The following RFX3 variants were observed in gnomAD, a reference collection of about 807,000 sequenced individuals.
RFX3 encodes the protein regulatory factor X3, also known as transcription factor RFX3.
RFX3 carries 14 observed loss-of-function variants against 98.6 expected under a neutral mutation model. That is an observed-to-expected ratio of 0.14 (90% confidence interval 0.09 to 0.22). The LOEUF (loss-of-function observed/expected upper bound fraction) is 0.22. Among genes scored for constraint, RFX3 ranks in the 10% least tolerant of loss-of-function variants. The probability of loss-of-function intolerance (pLI) is 1.00; values close to 1 mark genes in which losing one functional copy is unlikely to be tolerated. For synonymous variants in RFX3, 383 were observed against 328.4 expected, an observed-to-expected ratio of 1.17 and a Z score of -1.80; for missense variants, 639 against 926.9, an observed-to-expected ratio of 0.69 and a Z score of 4.03.
intron 1 of RFX3, among the ~76,000 whole-genome samples, chr9:3,457,923 C>G (rs186937083): frequency 8.6e-5 from 13 of 151,934 alleles, no homozygotes; most frequent in Admixed American, 5.9e-4. Flanking sequence ...TTCTATATTC[C>G]CAAGATAAAA....
In RFX3 at chr9:3,313,014, T is replaced by C. The variant is rs1830145254; in HGVS notation, c.475-11394A>G. ...CCCTGTCTGACAGCTTTGAAGAGAG[T>C]AGTGGTTCTCCCAGCACAGAATTTA... On this transcript the variant is annotated intron_variant, in intron 4 of 16. Coordinates refer to ENST00000617270, the MANE Select transcript of RFX3 (RefSeq NM_001282116.2). Among the ~76,000 whole-genome samples the C allele has an allele frequency of 1.3e-5, 2 of 152,050 alleles. 1 individual carries two copies. Among genetic ancestry groups the C allele is most frequent in the Non-Finnish European group, 2.9e-5 (2 of 68,010 alleles).
At chr9:3,279,244 G>C (rs1265730651) in intron 7 of RFX3, among the ~76,000 whole-genome samples, 2 of 151,632 alleles carry the variant, frequency 1.3e-5, no homozygotes, top group East Asian at 3.9e-4. Context: ...TTTCCTTATT[G>C]ATTCATTCCA....
intron 7 of RFX3, among the ~76,000 whole-genome samples, chr9:3,279,368 T>G (rs1825639634): frequency 6.6e-6 from 1 of 151,828 alleles, no homozygotes; most frequent in African/African-American, 2.4e-5. Flanking sequence ...AGTTTGGGAT[T>G]CACAGAGCTT....
rs189611518 is a variant in RFX3, at chr9:3,260,914, C to A, written c.1605+2021G>T. Among the ~76,000 whole-genome samples, 1,474 of 148,332 alleles carry A rather than the reference C, an allele frequency of 9.9e-3. 11 individuals carry two copies. The highest frequency in any genetic ancestry group is 0.017 in the South Asian group (80 of 4,714). On this transcript the variant is annotated intron_variant, in intron 13 of 16. Coordinates refer to ENST00000617270, the MANE Select transcript of RFX3 (RefSeq NM_001282116.2). ...ATTAGATAGATATAGATCTCTCTCT[C>A]TATATATATATATATCTCAGAAGTT...
At chr9:3,424,507 G>A (rs568365022) in intron 1 of RFX3, among the ~76,000 whole-genome samples, 28 of 151,168 alleles carry the variant, frequency 1.9e-4, no homozygotes, top group Admixed American at 2.6e-4. Context: ...GACTACAGGC[G>A]CCCGCCACCG....
chr9:3,298,062 A>G (rs1164680563), intron 5 of RFX3, among the ~76,000 whole-genome samples: 1 of 151,848 alleles, frequency 6.6e-6, no homozygotes, highest in East Asian at 1.9e-4. Context: ...CTCATACTGT[A>G]GCATCTTCAT....
chr9:3,354,881 T>C (rs944479522), intron 2 of RFX3, among the ~76,000 whole-genome samples: 1 of 151,960 alleles, frequency 6.6e-6, no homozygotes, highest in African/African-American at 2.4e-5. Flanking sequence ...CTTTTACTTT[T>C]CTGACTATGT....
chr9:3,381,245 T>C (rs1839160554), intron 2 of RFX3, among the ~76,000 whole-genome samples: 2 of 152,008 alleles, frequency 1.3e-5, no homozygotes, highest in African/African-American at 4.8e-5. Flanking sequence ...CCCAAAATTA[T>C]TGGTAAAAAG....
At chr9:3,519,859 T>C (rs981192939) in intron 1 of RFX3, among the ~76,000 whole-genome samples, 7 of 152,152 alleles carry the variant, frequency 4.6e-5, no homozygotes, top group Admixed American at 1.3e-4. Context: ...TATAAAGATT[T>C]TGAAGCAATA....
At chr9:3,373,173 C>T (rs1838054428) in intron 2 of RFX3, among the ~76,000 whole-genome samples, 1 of 152,084 alleles carries the variant, frequency 6.6e-6, no homozygotes, top group Admixed American at 6.5e-5. Flanking sequence ...AGATACTCTG[C>T]ACCAAACTGA....
At chr9:3,504,617 A>G (rs898850783) in intron 1 of RFX3, among the ~76,000 whole-genome samples, 1 of 141,972 alleles carries the variant, frequency 7.0e-6, no homozygotes. Flanking sequence ...AGTATATGCC[A>G]TATGGTATAT....
rs190853706 is a variant in RFX3 at position 3,318,379 on chromosome 9, G to C, written c.474+11880C>G. ...ACACTCCGGGCACTGCTGTGGGGTG[G>C]AGGGAGCGGGGAGGGATAGCATTAG... is the stretch of plus-strand genomic sequence containing the variant. On this transcript the variant is annotated intron_variant, in intron 4 of 16. Coordinates refer to ENST00000617270, the MANE Select transcript of RFX3 (RefSeq NM_001282116.2). Among the ~76,000 whole-genome samples, 4 of 152,210 alleles carry C rather than the reference G, an allele frequency of 2.6e-5. No individual in the cohort carries two copies. The East Asian group carries it at 7.7e-4, about 29-fold the overall frequency.
chr9:3,222,782 T>G lies in RFX3; in HGVS notation c.*2260A>C, dbSNP rs538321226. 6.6e-6 allele frequency: 1 copy of G among 152,162 alleles called. No homozygotes were observed. The highest frequency in any genetic ancestry group is 1.5e-5 in the Non-Finnish European group (1 of 68,000). The allele number at this position is 152,162 out of a possible 1,614,324, so 9.4% of individuals were successfully genotyped here. On this transcript the variant is annotated 3_prime_UTR_variant, in exon 17 of 17. Transcript: ENST00000617270. ...TTTTGGTACAAATCCATTGTCTTTT[T>G]GGGAGGAAAAAGGGGGACAGTAATT...
intron 2 of RFX3, among the ~76,000 whole-genome samples, chr9:3,389,036 A>G (rs1840012925): frequency 6.6e-6 from 1 of 152,158 alleles, no homozygotes; most frequent in African/African-American, 2.4e-5. Flanking sequence ...AGCCATGGTC[A>G]AGATGGCTTA....
intron 15 of RFX3, 77 bp downstream of exon 15, chr9:3,247,955 A>G: frequency 6.2e-7 from 1 of 1,613,698 alleles, no homozygotes. Context: ...TTTAATCAAT[A>G]ATGTATTTAG....
intron 2 of RFX3, among the ~76,000 whole-genome samples, chr9:3,385,392 T>C (rs1377832408): frequency 6.6e-6 from 1 of 152,108 alleles, no homozygotes; most frequent in African/African-American, 2.4e-5. Flanking sequence ...ATACATAGTC[T>C]TATACAGTAA....
At chr9:3,505,930 T>A (rs1817046514) in intron 1 of RFX3, among the ~76,000 whole-genome samples, 1 of 151,884 alleles carries the variant, frequency 6.6e-6, no homozygotes. Context: ...ATGATCAGTT[T>A]TATTCATTCT....
intron 2 of RFX3, chr9:3,394,752 A>G (rs1587491159): frequency 1.3e-6 from 1 of 796,068 alleles, no homozygotes; most frequent in Non-Finnish European, 1.5e-6. Flanking sequence ...ATAATGTTAT[A>G]TGACATATGA....
At chr9:3,338,434 T>C (rs547906561) in intron 3 of RFX3, among the ~76,000 whole-genome samples, 1 of 152,348 alleles carries the variant, frequency 6.6e-6, no homozygotes, top group East Asian at 1.9e-4. Context: ...ACTATGTATG[T>C]TGACAATGTA....
Sources: allele counts gnomAD v4.1 joint callset (sites outside exome capture counted in the v4.1 genomes callset), GRCh38; gene constraint gnomAD v4.1.1; transcripts MANE v1.5; gene names NCBI Gene and HGNC (gene_info 2026-07-23, HGNC 2026-07-21).